Variants in CRACR2A observed in about 807,000 individuals in gnomAD.
CRACR2A encodes the protein EF-hand calcium-binding domain-containing protein 4B.
In CRACR2A, 79 loss-of-function variants were observed where a neutral mutation model predicts 90.5. The ratio of observed to expected loss-of-function variants is 0.87; its 90% CI spans 0.73 to 1.05. CRACR2A has a LOEUF of 1.05. Ranked by LOEUF, CRACR2A falls within the 50% of genes least tolerant of loss-of-function variation. The pLI is 0.00. For synonymous variants in CRACR2A, 338 were observed against 356.7 expected, an observed-to-expected ratio of 0.95 and a Z score of 0.59; for missense variants, 823 against 897.2, an observed-to-expected ratio of 0.92 and a Z score of 1.06.
intron 3 of CRACR2A, among the ~76,000 whole-genome samples, chr12:3,710,778 C>T (rs1038785173): frequency 1.2e-4 from 17 of 143,556 alleles, no homozygotes; most frequent in African/African-American, 3.6e-4. Context: ...GGCGACAGAG[C>T]GAGGCTCCAC....
intron 10 of CRACR2A, among the ~76,000 whole-genome samples, chr12:3,649,269 A>AAATAAAT (rs1565473619): frequency 5.4e-5 from 6 of 110,816 alleles, no homozygotes; most frequent in Admixed American, 4.2e-4. Context: ...AATAAATAAA[A>AAATAAAT]AAGAGTTTGT....
At position 3,733,973 on chromosome 12, in the gene CRACR2A, A is replaced by ATTTT. The variant is rs1166347439; in HGVS notation, c.-386-767_-386-764dup. ...TCCTAGACTGGACACATTTTGCCTT[A>ATTTT]TTTTTTTTTTTTTTTGAGATGGAGT... On this transcript the variant is annotated intron_variant, in intron 1 of 19. Transcript: ENST00000440314. Among the ~76,000 whole-genome samples, 122 of 99,780 alleles carry ATTTT rather than the reference A, an allele frequency of 1.2e-3. 14 individuals carry two copies. The highest frequency in any genetic ancestry group is 1.8e-3 in the Non-Finnish European group (90 of 51,224). 65.5% of individuals were successfully genotyped at this position (99,780 alleles called of 152,430 possible). A position where few individuals can be genotyped will look rare whatever the true frequency, so the allele number is the denominator to read the frequency against.
chr12:3,747,100 T>C (rs1946638131), intron 1 of CRACR2A, among the ~76,000 whole-genome samples: 1 of 152,174 alleles, frequency 6.6e-6, no homozygotes, highest in Non-Finnish European at 1.5e-5. Context: ...GCACTAAGCA[T>C]TCAGAGGCGG....
At chr12:3,740,304 C>T (rs988162915) in intron 1 of CRACR2A, among the ~76,000 whole-genome samples, 4 of 152,106 alleles carry the variant, frequency 2.6e-5, no homozygotes, top group Non-Finnish European at 4.4e-5. Context: ...TTAGCTTATT[C>T]TTTAGGGTCT....
intron 7 of CRACR2A, among the ~76,000 whole-genome samples, chr12:3,671,334 G>C (rs946394709): frequency 5.3e-5 from 8 of 152,306 alleles, no homozygotes; most frequent in Middle Eastern, 3.4e-3. Flanking sequence ...TCAGAGAGGA[G>C]AAAGGGTGAA....
intron 13 of CRACR2A, among the ~76,000 whole-genome samples, chr12:3,638,921 C>T (rs1944509621): frequency 6.6e-6 from 1 of 152,204 alleles, no homozygotes; most frequent in African/African-American, 2.4e-5. Flanking sequence ...TGGCTCTGCC[C>T]CCAGCGCCAG....
intron 4 of CRACR2A, 22 bp from the exon 5 acceptor site, chr12:3,680,371 C>G (rs762548207): frequency 6.3e-7 from 1 of 1,587,800 alleles, no homozygotes; most frequent in Non-Finnish European, 8.6e-7. Context: ...CCAGAGTGTA[C>G]TGGTTAACAC....
rs1283437892 is a variant in CRACR2A, at chr12:3,746,009, G to C, written c.-387+7006C>G. On this transcript the variant is annotated intron_variant, in intron 1 of 19. Coordinates refer to ENST00000440314, the MANE Select transcript of CRACR2A (RefSeq NM_001144958.2). This position sits in a 1 kb window ranked among gnomAD's most constrained non-coding sequence, Gnocchi z 4.4. ...CTTCAGAAGGGCATGGCCCTGTCGAGGGGGTGAAGGGCTGTTCCTGTGCCT... is the reference window on the plus strand; with the variant it reads ...CTTCAGAAGGGCATGGCCCTGTCGACGGGGTGAAGGGCTGTTCCTGTGCCT... 6.6e-6 allele frequency among the ~76,000 whole-genome samples: 1 copy of C among 151,988 alleles called. No homozygotes were observed. Among genetic ancestry groups the C allele is most frequent in the African/African-American group, 2.4e-5 (1 of 41,408 alleles).
At chr12:3,742,337 T>C (rs182860249) in intron 1 of CRACR2A, among the ~76,000 whole-genome samples, 1 of 152,336 alleles carries the variant, frequency 6.6e-6, no homozygotes, top group East Asian at 1.9e-4. Flanking sequence ...TATAGCTCTC[T>C]GGCACCTTCT....
At chr12:3,656,432 C>T in intron 8 of CRACR2A, 26 bp from the exon 9 acceptor site, 1 of 1,610,468 alleles carries the variant, frequency 6.2e-7, no homozygotes, top group Non-Finnish European at 8.5e-7. Context: ...GAGGGACACA[C>T]AGGACCCAAA....
chr12:3,627,345 G>C, intron 17 of CRACR2A, 91 bp downstream of exon 17: 1 of 920,616 alleles, frequency 1.1e-6, no homozygotes, highest in East Asian at 2.6e-5. Context: ...ATCAGATTTT[G>C]AAAATGCAGA....
chr12:3,685,827 G>T (rs1328901162), intron 4 of CRACR2A, among the ~76,000 whole-genome samples: 2 of 152,204 alleles, frequency 1.3e-5, no homozygotes, highest in African/African-American at 2.4e-5. Context: ...GCAGAAGAAA[G>T]TGAATGTACT....
chr12:3,623,538 T>C (rs975075987), intron 17 of CRACR2A, among the ~76,000 whole-genome samples: 10 of 152,210 alleles, frequency 6.6e-5, no homozygotes, highest in Admixed American at 1.3e-4. Context: ...CAGAGTCTTC[T>C]GATGTCCAGT....
intron 19 of CRACR2A, among the ~76,000 whole-genome samples, chr12:3,616,019 G>C (rs1867673956): frequency 6.6e-6 from 1 of 152,234 alleles, no homozygotes. Context: ...AAACGCTTTT[G>C]CGTTACGCAC....
At chr12:3,685,752 T>C (rs1945540635) in intron 4 of CRACR2A, among the ~76,000 whole-genome samples, 1 of 152,218 alleles carries the variant, frequency 6.6e-6, no homozygotes, top group Non-Finnish European at 1.5e-5. Flanking sequence ...GACATTGTTT[T>C]ACGGGTACAG....
At chr12:3,710,333 T>C (rs1945989493) in intron 3 of CRACR2A, among the ~76,000 whole-genome samples, 1 of 152,166 alleles carries the variant, frequency 6.6e-6, no homozygotes, top group Admixed American at 6.5e-5. Context: ...TTCCAGCTAA[T>C]ATAACAAAAT....
chr12:3,689,845 C>T (rs1307816014), intron 4 of CRACR2A, among the ~76,000 whole-genome samples: 2 of 149,634 alleles, frequency 1.3e-5, no homozygotes, highest in South Asian at 2.1e-4. Flanking sequence ...TTTGTCTGTT[C>T]AGGGATTCAA....
chr12:3,678,236 G>T (rs76358735), intron 6 of CRACR2A, among the ~76,000 whole-genome samples: 1 of 152,160 alleles, frequency 6.6e-6, no homozygotes, highest in Non-Finnish European at 1.5e-5. Flanking sequence ...TCAGGGCTTA[G>T]ATCCCTGTGT....
rs568534184 is a variant in CRACR2A at position 3,679,073 on chromosome 12, G to A, written c.366C>T (p.Asn122=). Residue 122 remains asparagine (N), a synonymous_variant, in exon 6 of 20, where the codon AAC becomes AAT. Coordinates refer to ENST00000440314, the MANE Select transcript of CRACR2A (RefSeq NM_001144958.2). ...GTTCACCTGCATCTTCCTGACTTGG[G>A]TTATTCTGGCTGAAGAAGAAGTGAC... ...GFSHFFFSQN[N]PSQEDAGEQV... The A allele has an allele frequency of 2.8e-4, 457 of 1,613,104 alleles. 1 individual carries two copies. The South Asian group carries it at 4.8e-3, about 17-fold the overall frequency.
Sources: gnomAD v4.1 joint callset for allele counts (sites outside exome capture counted in the v4.1 genomes callset) on GRCh38, gnomAD v4.1.1 for gene constraint, Gnocchi (gnomAD v3.1) non-coding constraint, MANE v1.5 for transcripts, NCBI Gene and HGNC (gene_info 2026-07-23, HGNC 2026-07-21) for gene names.